Variants in FAM184B observed in about 807,000 individuals in gnomAD.
The protein encoded by FAM184B is family with sequence similarity 184 member B, also known as protein FAM184B.
A neutral mutation model predicts 135.9 loss-of-function variants in FAM184B; 111 were observed. The ratio of observed to expected loss-of-function variants is 0.82; its 90% confidence interval spans 0.70 to 0.96. The LOEUF is 0.96. Among genes scored for constraint, FAM184B ranks in the 40% least tolerant of loss-of-function variants. The pLI is 0.00. For synonymous variants in FAM184B, 552 were observed against 524.8 expected (o/e 1.05, Z -0.71); for missense variants, 1,375 against 1,323.9 (o/e 1.04, Z -0.60).
intron 10 of FAM184B, among the ~76,000 whole-genome samples, chr4:17,654,623 C>T (rs922634716): frequency 1.3e-5 from 2 of 152,214 alleles, no homozygotes; most frequent in Non-Finnish European, 2.9e-5. Flanking sequence ...CCTTTCCACT[C>T]ACTCATGCAG....
At chr4:17,685,558 C>CAAAAAAAAA (rs11350244) in intron 7 of FAM184B, among the ~76,000 whole-genome samples, 1 of 86,762 alleles carries the variant, frequency 1.2e-5, no homozygotes, top group African/African-American at 4.6e-5. Flanking sequence ...GACTCTGTCT[C>CAAAAAAAAA]AAAAAAAAAA....
intron 1 of FAM184B, among the ~76,000 whole-genome samples, chr4:17,721,389 A>AAAAAAAAAAAAAAAAAAC (rs1423308268): frequency 6.8e-6 from 1 of 147,596 alleles, no homozygotes; most frequent in African/African-American, 2.5e-5. Flanking sequence ...GTCTCAAAAA[A>AAAAAAAAAAAAAAAAAAC]AAAAAAAAAA....
chr4:17,741,522 C>CA (rs1577285253), intron 1 of FAM184B, among the ~76,000 whole-genome samples: 5 of 152,068 alleles, frequency 3.3e-5, no homozygotes, highest in Admixed American at 1.3e-4. Flanking sequence ...GATGAAACCC[C>CA]ATCTCTACTA....
chr4:17,773,687 C>A (rs1718867537), intron 1 of FAM184B, among the ~76,000 whole-genome samples: 1 of 152,324 alleles, frequency 6.6e-6, no homozygotes, highest in East Asian at 1.9e-4. Context: ...AAACAATTCT[C>A]CTGCCTCAGC....
intron 1 of FAM184B, among the ~76,000 whole-genome samples, chr4:17,737,389 G>C (rs1213644586): frequency 2.0e-5 from 3 of 149,562 alleles, no homozygotes; most frequent in Non-Finnish European, 4.4e-5. Flanking sequence ...TTTCTAAATT[G>C]AGTCTTCATA....
intron 12 of FAM184B, among the ~76,000 whole-genome samples, chr4:17,646,497 A>C (rs11727883): frequency 2.0e-5 from 3 of 151,628 alleles, no homozygotes; most frequent in Non-Finnish European, 2.9e-5. Context: ...ACCAAACACC[A>C]CATGTTCTCA....
intron 7 of FAM184B, among the ~76,000 whole-genome samples, chr4:17,669,077 C>G (rs1283016510): frequency 2.0e-5 from 3 of 152,188 alleles, no homozygotes; most frequent in African/African-American, 7.2e-5. Context: ...TTTTTCATAG[C>G]CTGAGTCCTC....
At chr4:17,747,777 C>T (rs1210266591) in intron 1 of FAM184B, among the ~76,000 whole-genome samples, 218 of 151,816 alleles carry the variant, frequency 1.4e-3, no homozygotes, top group African/African-American at 4.9e-3. Context: ...AAAAATTAGC[C>T]GGGCGAGGTG....
chr4:17,644,930 T>C (rs891127027), intron 12 of FAM184B, among the ~76,000 whole-genome samples: 2 of 152,202 alleles, frequency 1.3e-5, no homozygotes, highest in Non-Finnish European at 2.9e-5. Context: ...AGCATTCTTA[T>C]ACACCAATAA....
chr4:17,736,796 C>A (rs1277399173), intron 1 of FAM184B, among the ~76,000 whole-genome samples: 1 of 152,184 alleles, frequency 6.6e-6, no homozygotes, highest in Non-Finnish European at 1.5e-5. Flanking sequence ...GAAATGAAGT[C>A]TCTAGCTGGG....
At position 17,704,982 on chromosome 4, in the gene FAM184B, T is replaced by C; in HGVS notation, c.1377+18A>G. 6.5e-7 allele frequency: 1 copy of C among 1,548,532 alleles called. No homozygotes were observed. The highest frequency in any genetic ancestry group is 1.2e-5 in the South Asian group (1 of 83,492). On this transcript the variant is annotated intron_variant, in intron 5 of 17. Transcript: ENST00000265018. Reference sequence around the variant, plus strand: ...AAGAAAAAAGAACCAGAACAGTCTCTATGGAAGTAGGTCTCACCCTCTGCA... The same window carrying C: ...AAGAAAAAAGAACCAGAACAGTCTCCATGGAAGTAGGTCTCACCCTCTGCA...
At chr4:17,777,612 A>C (rs1718952452) in intron 1 of FAM184B, among the ~76,000 whole-genome samples, 1 of 152,230 alleles carries the variant, frequency 6.6e-6, no homozygotes, top group Non-Finnish European at 1.5e-5. Context: ...TGGATTGGAC[A>C]AATTATTTAG....
chr4:17,658,531 C>T lies in FAM184B; in HGVS notation c.1856G>A (p.Cys619Tyr). ...VSQMQQALEQ[C>Y]TSNYREDLQA... The stretch of plus-strand genomic sequence containing the variant: ...CAGGTCCTCCCTGTAGTTGCTGGTG[C>T]ACTGCTCCAGAGCCTGCTGCATCTG... Residue 619 changes from cysteine to tyrosine, a missense_variant, in exon 10 of 18, where the codon TGC becomes TAC. Coordinates refer to ENST00000265018, the MANE Select transcript of FAM184B (RefSeq NM_015688.2). 1 of 1,551,372 alleles carries T rather than the reference C, an allele frequency of 6.4e-7. No homozygotes were observed. Among genetic ancestry groups the T allele is most frequent in the Non-Finnish European group, 8.7e-7 (1 of 1,146,992 alleles).
rs965888072 is a variant in FAM184B at position 17,705,184 on chromosome 4, T to C, written c.1193A>G (p.Glu398Gly). ...ATATTGTTGCTTCATATATTCTGTC[T>C]CAGCACTTGCCTCTTTCTTGGTCTA... ...DMQTKKEASA[E>G]TEYMKQQYEE... Residue 398 changes from glutamate (E) to glycine (G), a missense_variant, in exon 5 of 18, where the codon GAG becomes GGG. Physicochemically the swap from Glu to Gly is moderately conservative, Grantham distance 98. Coordinates refer to ENST00000265018, the MANE Select transcript of FAM184B (RefSeq NM_015688.2). 3.9e-6 allele frequency: 6 copies of C among 1,551,714 alleles called. No homozygotes were observed. The highest frequency in any genetic ancestry group is 2.7e-5 in the African/African-American group (2 of 73,054).
At chr4:17,663,379 G>C (rs1715962712) in intron 8 of FAM184B, among the ~76,000 whole-genome samples, 1 of 152,134 alleles carries the variant, frequency 6.6e-6, no homozygotes, top group Admixed American at 6.5e-5. Flanking sequence ...TCAGGCAAGA[G>C]AAAGAAATAA....
intron 10 of FAM184B, among the ~76,000 whole-genome samples, chr4:17,656,983 ACTCT>A (rs943793514): frequency 1.5e-4 from 23 of 151,804 alleles, no homozygotes; most frequent in Middle Eastern, 3.4e-3. Flanking sequence ...GGTCTCACTC[ACTCT>A]CTTCCATTCC....
intron 5 of FAM184B, among the ~76,000 whole-genome samples, chr4:17,694,778 A>G (rs1389394595): frequency 6.6e-6 from 1 of 152,206 alleles, no homozygotes; most frequent in Non-Finnish European, 1.5e-5. Flanking sequence ...TGAAAAAGAC[A>G]GGCAGCAATC....
intron 1 of FAM184B, among the ~76,000 whole-genome samples, chr4:17,738,358 A>G (rs1717954485): frequency 6.6e-6 from 1 of 152,062 alleles, no homozygotes; most frequent in East Asian, 1.9e-4. Context: ...AGTTGGAGAG[A>G]GAGTTAAAGA....
At chr4:17,662,687 G>T (rs1452554243) in intron 8 of FAM184B, among the ~76,000 whole-genome samples, 1 of 152,198 alleles carries the variant, frequency 6.6e-6, no homozygotes. Flanking sequence ...ACTGCTGGTA[G>T]GTATGTGCTT....
Sources: allele counts gnomAD v4.1 joint callset (sites outside exome capture counted in the v4.1 genomes callset), GRCh38; gene constraint gnomAD v4.1.1; transcripts MANE v1.5; gene names NCBI Gene and HGNC (gene_info 2026-07-23, HGNC 2026-07-21).